The following ZFAND3 variants were observed in gnomAD, a reference collection of about 807,000 sequenced individuals.
ZFAND3 encodes the protein AN1-type zinc finger protein 3.
A neutral mutation model predicts 29.6 loss-of-function variants in ZFAND3; 10 were observed. The observed-to-expected ratio is 0.34, with a 90% CI of 0.21 to 0.57. ZFAND3 has a LOEUF of 0.57. Ranked by LOEUF, ZFAND3 falls within the 20% of genes least tolerant of loss-of-function variation. ZFAND3 has a pLI of 0.86. For synonymous variants in ZFAND3, 128 were observed against 112.6 expected (o/e 1.14, Z -0.87); for missense variants, 230 against 304.5 (o/e 0.76, Z 1.82).
rs1412981704 is a variant in ZFAND3, at chr6:37,920,051, G to C, written c.72-9908G>C. On this transcript the variant is annotated intron_variant, in intron 1 of 5. Transcript: ENST00000287218. ...TTCTCACTTCCAGGTTTTTTTTGAA[G>C]CTTTTTTTTTTTTTTTTTTTTTGGC... Among the ~76,000 whole-genome samples the C allele has an allele frequency of 6.0e-3, 433 of 72,554 alleles. 4 individuals carry two copies. Among genetic ancestry groups the C allele is most frequent in the African/African-American group, 0.024 (415 of 17,118 alleles). 47.6% of individuals were successfully genotyped at this position (72,554 alleles called of 152,430 possible). A position where few individuals can be genotyped will look rare whatever the true frequency, so the allele number is the denominator to read the frequency against.
At chr6:37,842,240 C>T (rs1764092193) in intron 1 of ZFAND3, among the ~76,000 whole-genome samples, 1 of 152,104 alleles carries the variant, frequency 6.6e-6, no homozygotes, top group African/African-American at 2.4e-5. Flanking sequence ...AAACCTTTAC[C>T]AGGAGATATA....
At chr6:37,909,730 G>A (rs1023089029) in intron 1 of ZFAND3, among the ~76,000 whole-genome samples, 4 of 151,086 alleles carry the variant, frequency 2.6e-5, no homozygotes, top group African/African-American at 9.7e-5. Flanking sequence ...ATTAATCATG[G>A]GTAGAATCTC....
intron 1 of ZFAND3, among the ~76,000 whole-genome samples, chr6:37,889,275 T>G (rs1765052571): frequency 6.6e-6 from 1 of 152,206 alleles, no homozygotes; most frequent in African/African-American, 2.4e-5. Context: ...CCCCAGTGAT[T>G]CATCTGCCAC....
chr6:37,843,107 G>C (rs1478489197), intron 1 of ZFAND3, among the ~76,000 whole-genome samples: 2 of 145,688 alleles, frequency 1.4e-5, no homozygotes, highest in African/African-American at 5.1e-5. Flanking sequence ...GAGCAACAGA[G>C]TGAAACTGTT....
chr6:38,048,321 T>C (rs1763948777), intron 2 of ZFAND3, among the ~76,000 whole-genome samples: 1 of 151,840 alleles, frequency 6.6e-6, no homozygotes. Flanking sequence ...TTTTTATTGG[T>C]CATTAAAAAA....
intron 2 of ZFAND3, among the ~76,000 whole-genome samples, chr6:37,970,346 A>G (rs897553865): frequency 1.3e-5 from 2 of 152,184 alleles, no homozygotes; most frequent in Non-Finnish European, 2.9e-5. Flanking sequence ...GCAGTTTTTG[A>G]AAGTTTGAAA....
At chr6:37,920,405 A>T (rs1454335758) in intron 1 of ZFAND3, among the ~76,000 whole-genome samples, 1 of 151,120 alleles carries the variant, frequency 6.6e-6, no homozygotes, top group Non-Finnish European at 1.5e-5. Flanking sequence ...GCCATGCCTC[A>T]TCTTGTCTGT....
At chr6:37,914,473 G>C (rs1043648396) in intron 1 of ZFAND3, among the ~76,000 whole-genome samples, 15 of 151,844 alleles carry the variant, frequency 9.9e-5, no homozygotes, top group African/African-American at 3.6e-4. Flanking sequence ...TGAGTAGTGG[G>C]GATTACAGGT....
intron 1 of ZFAND3, among the ~76,000 whole-genome samples, chr6:37,851,582 C>T (rs1470343194): frequency 6.7e-6 from 1 of 148,680 alleles, no homozygotes; most frequent in Non-Finnish European, 1.5e-5. Context: ...TTACAGTATT[C>T]TCTGAAGATC....
chr6:38,105,170 A>AT (rs1765182966), intron 4 of ZFAND3, among the ~76,000 whole-genome samples: 1 of 152,164 alleles, frequency 6.6e-6, no homozygotes, highest in African/African-American at 2.4e-5. Flanking sequence ...AGTGTTCATT[A>AT]TTGCAATTAT....
intron 2 of ZFAND3, among the ~76,000 whole-genome samples, chr6:38,030,501 C>T (rs575063929): frequency 1.3e-5 from 2 of 152,192 alleles, no homozygotes; most frequent in Non-Finnish European, 2.9e-5. Flanking sequence ...GGGGAACAAT[C>T]ATAATATAGC....
At chr6:37,841,227 A>G (rs1764067784) in intron 1 of ZFAND3, among the ~76,000 whole-genome samples, 1 of 152,242 alleles carries the variant, frequency 6.6e-6, no homozygotes, top group African/African-American at 2.4e-5. Flanking sequence ...ACTTTATGGA[A>G]AGAGAGACTA....
At chr6:38,095,244 C>A (rs9470771) in intron 4 of ZFAND3, among the ~76,000 whole-genome samples, 4,970 of 152,216 alleles carry the variant, frequency 0.033, 220 homozygotes, top group African/African-American at 0.096. Context: ...TCAGGGCTAG[C>A]ATCTGTGAGC....
chr6:37,925,094 T>C (rs1561936154), intron 1 of ZFAND3, among the ~76,000 whole-genome samples: 1 of 151,962 alleles, frequency 6.6e-6, no homozygotes, highest in East Asian at 1.9e-4. Flanking sequence ...TTAAAAACTT[T>C]CTCCAGGTAA....
At chr6:38,090,653 G>C (rs1764848446) in intron 4 of ZFAND3, among the ~76,000 whole-genome samples, 1 of 152,196 alleles carries the variant, frequency 6.6e-6, no homozygotes, top group Non-Finnish European at 1.5e-5. Context: ...CCATTCAGTG[G>C]ATGACTGGGA....
chr6:37,992,779 T>G (rs1167805554), intron 2 of ZFAND3, among the ~76,000 whole-genome samples: 1 of 152,204 alleles, frequency 6.6e-6, no homozygotes, highest in Non-Finnish European at 1.5e-5. Flanking sequence ...TATGTCTCTC[T>G]TATTTTCATC....
intron 1 of ZFAND3, among the ~76,000 whole-genome samples, chr6:37,844,630 A>C: frequency 6.6e-6 from 1 of 152,132 alleles, no homozygotes; most frequent in South Asian, 2.1e-4. Flanking sequence ...TGGTGTGGTG[A>C]AAGGCCTGAA....
chr6:37,883,215 TC>T (rs1764929089), intron 1 of ZFAND3, among the ~76,000 whole-genome samples: 1 of 152,158 alleles, frequency 6.6e-6, no homozygotes, highest in African/African-American at 2.4e-5. Context: ...AGAATGAGAC[TC>T]TTTTTGTACA....
intron 2 of ZFAND3, among the ~76,000 whole-genome samples, chr6:38,054,005 A>G (rs1418569400): frequency 1.3e-5 from 2 of 151,742 alleles, no homozygotes; most frequent in African/African-American, 2.4e-5. Context: ...GGAACATAGG[A>G]TAGGAGTCAT....
Sources: allele counts gnomAD v4.1 joint callset (sites outside exome capture counted in the v4.1 genomes callset), GRCh38; gene constraint gnomAD v4.1.1; transcripts MANE v1.5; gene names NCBI Gene and HGNC (gene_info 2026-07-23, HGNC 2026-07-21).